Variants in MS4A4E observed in about 807,000 individuals in gnomAD.
MS4A4E encodes the protein putative membrane-spanning 4-domains subfamily A member 4E.
A neutral mutation model predicts 13.3 loss-of-function variants in MS4A4E; 23 were observed. The ratio of observed to expected loss-of-function variants is 1.73; its 90% CI spans 1.25 to 2.45. MS4A4E has a LOEUF of 2.45. MS4A4E is among the 30% of genes most tolerant of loss of function. The probability of loss-of-function intolerance (pLI) is 0.00; values close to 1 mark genes in which losing one functional copy is unlikely to be tolerated. For synonymous variants in MS4A4E, 36 were observed against 45.6 expected (o/e 0.79, Z 0.85); for missense variants, 144 against 131.2 (o/e 1.10, Z -0.48).
Position 60,228,685 on chromosome 11 carries a change from A to G in MS4A4E, c.145-58T>C, listed in dbSNP as rs530539486. 7.3e-6 allele frequency: 5 copies of G among 688,856 alleles called. No individual in the cohort carries two copies. The African/African-American group carries it at 8.8e-5, about 12-fold the overall frequency. The allele number at this position is 688,856 out of a possible 1,614,324, so 42.7% of individuals were successfully genotyped here. A position where few individuals can be genotyped will look rare whatever the true frequency, so the allele number is the denominator to read the frequency against. ...TAATTGCCAAAGTTTGGAAGCCATC[A>G]AGATGTCCTTCTGTAGGTGAATGCA... On this transcript the variant is annotated intron_variant, in intron 2 of 8. Transcript: ENST00000651255.
rs1473654085 is a variant in MS4A4E, at chr11:60,200,295, T to A, written c.*1248A>T. Among the ~76,000 whole-genome samples, 7 of 152,062 alleles carry A rather than the reference T, an allele frequency of 4.6e-5. No individual in the cohort carries two copies. ...TACTTTTTATTTATTTATTTATTTA[T>A]TTATTTAATTTTTTATTGACCATTC... On this transcript the variant is annotated 3_prime_UTR_variant, in exon 9 of 9. Transcript: ENST00000651255.
chr11:60,239,306 C>T (rs1487678701), intron 1 of MS4A4E, among the ~76,000 whole-genome samples: 1 of 152,200 alleles, frequency 6.6e-6, no homozygotes, highest in African/African-American at 2.4e-5. Flanking sequence ...CAGTTCATGT[C>T]ACTTAATAAA....
chr11:60,211,728 C>A (rs1349942845), intron 5 of MS4A4E, among the ~76,000 whole-genome samples: 1 of 152,152 alleles, frequency 6.6e-6, no homozygotes, highest in Non-Finnish European at 1.5e-5. Context: ...GGCTGGCCAA[C>A]ATGGAGAAAC....
intron 1 of MS4A4E, among the ~76,000 whole-genome samples, chr11:60,231,252 AT>A (rs1483645087): frequency 6.6e-6 from 1 of 152,006 alleles, no homozygotes; most frequent in African/African-American, 2.4e-5. Flanking sequence ...AAGCAGTAAA[AT>A]AAAAAGTACA....
intron 5 of MS4A4E, among the ~76,000 whole-genome samples, chr11:60,211,534 C>A (rs1037076912): frequency 6.6e-6 from 1 of 152,126 alleles, no homozygotes; most frequent in Non-Finnish European, 1.5e-5. Flanking sequence ...AAGAACTAAG[C>A]AGCAAGGCGA....
chr11:60,226,095 A>G (rs1258133617), intron 3 of MS4A4E, among the ~76,000 whole-genome samples: 1 of 151,818 alleles, frequency 6.6e-6, no homozygotes, highest in African/African-American at 2.4e-5. Flanking sequence ...CAAAATTCAC[A>G]CAAGAAGAAA....
rs2084371838 is a variant in MS4A4E at position 60,228,619 on chromosome 11, A to C, written c.153T>G (p.Cys51Trp). 1.4e-6 allele frequency: 1 copy of C among 698,398 alleles called. No individual in the cohort carries two copies. Among genetic ancestry groups the C allele is most frequent in the South Asian group, 1.5e-5 (1 of 66,090 alleles). The allele number at this position is 698,398 out of a possible 1,614,324, so 43.3% of individuals were successfully genotyped here. A position where few individuals can be genotyped will look rare whatever the true frequency, so the allele number is the denominator to read the frequency against. The change falls in exon 3 of 9, where the codon TGT becomes TGG. Residue 51 changes from cysteine (C) to tryptophan (W), a missense_variant. Physicochemically the swap from Cys to Trp is radical, Grantham distance 215. Coordinates refer to ENST00000651255, the MANE Select transcript of MS4A4E (RefSeq NM_001393391.1). Reference protein sequence around the residue: ...KRKPKVLGVLCGHKFSTHSVS... With the variant: ...KRKPKVLGVLWGHKFSTHSVS... ...CCGAATGAGTTGAAAACTTATGTCC[A>C]CACAAAACCTGCACACAGATATTTA...
At chr11:60,241,169 G>A (rs532554392) in intron 1 of MS4A4E, among the ~76,000 whole-genome samples, 11 of 152,188 alleles carry the variant, frequency 7.2e-5, no homozygotes, top group Non-Finnish European at 1.6e-4. Context: ...GGCTACCGGC[G>A]CCTGCCACCA....
intron 5 of MS4A4E, among the ~76,000 whole-genome samples, chr11:60,209,442 C>T (rs780019978): frequency 4.6e-5 from 7 of 152,148 alleles, no homozygotes; most frequent in Non-Finnish European, 1.0e-4. Context: ...GAAAGGAGTA[C>T]GGCCTTGCCC....
At chr11:60,237,395 G>A (rs760403476) in intron 1 of MS4A4E, among the ~76,000 whole-genome samples, 3 of 152,158 alleles carry the variant, frequency 2.0e-5, no homozygotes, top group Non-Finnish European at 4.4e-5. Flanking sequence ...TGTGAATAGT[G>A]CAGCAATGAA....
chr11:60,214,597 C>A lies in MS4A4E; in HGVS notation c.196G>T (p.Ala66Ser). The change falls in exon 4 of 9, where the codon GCA becomes TCA. Residue 66 changes from alanine (A) to serine (S), a missense_variant. Physicochemically the swap from Ala to Ser is moderately conservative, Grantham distance 99. Around this residue, in one of 3 missense-constraint regions of MS4A4E, gnomAD observed 119 missense variants for 88.7 expected, o/e 1.34. Coordinates refer to ENST00000651255, the MANE Select transcript of MS4A4E (RefSeq NM_001393391.1). Reference sequence around the variant, plus strand: ...AGACCTTTTGTTGTTCTAATTCCTGCTGCAACTGATAAGGATACTGAAATA... The same window carrying A: ...AGACCTTTTGTTGTTCTAATTCCTGATGCAACTGATAAGGATACTGAAATA... ...STHSVSLSVA[A>S]GIRTTKGLVG... 6.5e-7 allele frequency: 1 copy of A among 1,531,660 alleles called. No individual in the cohort carries two copies. The highest frequency in any genetic ancestry group is 8.7e-7 in the Non-Finnish European group (1 of 1,144,034). The allele number at this position is 1,531,660 out of a possible 1,614,324, so 94.9% of individuals were successfully genotyped here. A position where few individuals can be genotyped will look rare whatever the true frequency, so the allele number is the denominator to read the frequency against.
At chr11:60,222,752 G>C (rs1275747445) in intron 3 of MS4A4E, among the ~76,000 whole-genome samples, 1 of 152,150 alleles carries the variant, frequency 6.6e-6, no homozygotes, top group Non-Finnish European at 1.5e-5. Context: ...TAAGCTGGAA[G>C]TTAAGATTGC....
rs1413737740 is a variant in MS4A4E, at chr11:60,205,701, C to A, written c.590+13G>T. Among the ~76,000 whole-genome samples the A allele has an allele frequency of 6.6e-6, 1 of 152,154 alleles. No homozygotes were observed. Among genetic ancestry groups the A allele is most frequent in the African/African-American group, 2.4e-5 (1 of 41,444 alleles). Reference sequence around the variant, plus strand: ...ACCCAGGGTTGTCTGATTAGAAAGTCCACATTATTTACCACCATACAGTAC... The same window carrying A: ...ACCCAGGGTTGTCTGATTAGAAAGTACACATTATTTACCACCATACAGTAC... On this transcript the variant is annotated intron_variant, in intron 7 of 8. Transcript: ENST00000651255.
intron 1 of MS4A4E, among the ~76,000 whole-genome samples, chr11:60,239,097 C>A (rs1324728823): frequency 6.6e-6 from 1 of 152,192 alleles, no homozygotes; most frequent in African/African-American, 2.4e-5. Flanking sequence ...TAAAAGAGTT[C>A]TTCTATTCGC....
intron 1 of MS4A4E, among the ~76,000 whole-genome samples, chr11:60,232,546 C>A (rs924977418): frequency 3.3e-5 from 5 of 152,156 alleles, no homozygotes; most frequent in Admixed American, 6.5e-5. Context: ...AGGATCCCAG[C>A]AGCTCCCATC....
intron 1 of MS4A4E, among the ~76,000 whole-genome samples, chr11:60,230,281 C>T (rs1350450186): frequency 6.6e-6 from 1 of 151,946 alleles, no homozygotes; most frequent in East Asian, 1.9e-4. Context: ...TATATGATAT[C>T]AATAATATGC....
At chr11:60,241,850 C>T (rs748910367) in intron 1 of MS4A4E, among the ~76,000 whole-genome samples, 33 of 152,196 alleles carry the variant, frequency 2.2e-4, no homozygotes, top group Non-Finnish European at 4.6e-4. Flanking sequence ...TTCTTGACAA[C>T]TACAATGTCT....
chr11:60,234,184 A>G (rs1433200308), intron 1 of MS4A4E, among the ~76,000 whole-genome samples: 1 of 152,208 alleles, frequency 6.6e-6, no homozygotes, highest in Non-Finnish European at 1.5e-5. Flanking sequence ...ATTTGCCTCC[A>G]GATAAGTCAT....
intron 6 of MS4A4E, among the ~76,000 whole-genome samples, chr11:60,208,113 T>G (rs553658766): frequency 6.6e-6 from 1 of 152,330 alleles, no homozygotes; most frequent in Admixed American, 6.5e-5. Context: ...CACTGACCCC[T>G]TGTGATTCCC....
Sources: allele counts gnomAD v4.1 joint callset (sites outside exome capture counted in the v4.1 genomes callset), GRCh38; gene constraint gnomAD v4.1.1; regional missense constraint gnomAD v4.1.1; transcripts MANE v1.5; gene names NCBI Gene and HGNC (gene_info 2026-07-23, HGNC 2026-07-21).